Variants in CEACAM8 observed in about 807,000 individuals in gnomAD.
The protein encoded by CEACAM8 is cell adhesion molecule CEACAM8.
CEACAM8 carries 31 observed loss-of-function variants against 33.4 expected under a neutral mutation model. The observed-to-expected ratio is 0.93, with a 90% CI of 0.70 to 1.25. The LOEUF is 1.25. CEACAM8 is among the 50% of genes most tolerant of loss of function. CEACAM8 has a pLI of 0.00. For missense variants in CEACAM8, 388 were observed against 434.6 expected (o/e 0.89, Z 0.95); for synonymous variants, 138 against 164.5 (o/e 0.84, Z 1.23).
At chr19:42,589,084 G>A (rs756849176) in intron 3 of CEACAM8, 46 bp from the exon 4 acceptor site, 6 of 1,577,782 alleles carry the variant, frequency 3.8e-6, no homozygotes, top group East Asian at 2.2e-5. Context: ...CAGAGGGAAG[G>A]GGAAGCTCCT....
At chr19:42,594,731 C>T (rs1307140646) in intron 1 of CEACAM8, 34 bp downstream of exon 1, 7 of 1,565,458 alleles carry the variant, frequency 4.5e-6, no homozygotes, top group South Asian at 2.2e-5. Context: ...TGTGTTTCCT[C>T]CTCCTGTCCT....
At chr19:42,593,499 G>A (rs781664971) in intron 2 of CEACAM8, 42 bp downstream of exon 2, 2 of 1,537,268 alleles carry the variant, frequency 1.3e-6, no homozygotes, top group East Asian at 4.5e-5. Flanking sequence ...GTGGGAAGTA[G>A]AACTGACCCC....
chr19:42,589,905 C>T (rs1386512398), intron 2 of CEACAM8, among the ~76,000 whole-genome samples, 170 bp from the exon 3 acceptor site: 1 of 152,182 alleles, frequency 6.6e-6, no homozygotes, highest in Non-Finnish European at 1.5e-5. Context: ...GGCTCAGAGA[C>T]CATGAGGCCG....
chr19:42,585,330 C>CA (rs2042318943), intron 4 of CEACAM8, among the ~76,000 whole-genome samples: 29 of 104,116 alleles, frequency 2.8e-4, no homozygotes, highest in African/African-American at 1.2e-3. Flanking sequence ...AAAAAAAAAA[C>CA]AAACAAAAAA....
chr19:42,592,281 C>T (rs1015337636), intron 2 of CEACAM8, among the ~76,000 whole-genome samples: 44 of 151,908 alleles, frequency 2.9e-4, no homozygotes, highest in Non-Finnish European at 8.8e-5. Flanking sequence ...TCCTGTGCCT[C>T]CGTTTCTTCT....
Position 42,580,278 on chromosome 19 carries a change from A to G in CEACAM8, c.*1116T>C, listed in dbSNP as rs527302962. ...ATAGGGAGCAATTTTATTATCTAGC[A>G]TTGCATGCCTGGGTTAAATTAAAAC... On this transcript the variant is annotated 3_prime_UTR_variant, in exon 6 of 6. Coordinates refer to ENST00000244336, the MANE Select transcript of CEACAM8 (RefSeq NM_001816.4). 6.6e-6 allele frequency: 1 copy of G among 152,344 alleles called. No homozygotes were observed. The highest frequency in any genetic ancestry group is 2.4e-5 in the African/African-American group (1 of 41,588). 9.4% of individuals were successfully genotyped at this position (152,344 alleles called of 1,614,324 possible). A position where few individuals can be genotyped will look rare whatever the true frequency, so the allele number is the denominator to read the frequency against.
In CEACAM8 at chr19:42,583,236, A is replaced by G. The variant is rs201974253; in HGVS notation, c.*10T>C. 1.3e-6 allele frequency: 2 copies of G among 1,566,278 alleles called. No homozygotes were observed. Among genetic ancestry groups the G allele is most frequent in the Non-Finnish European group, 8.8e-7 (1 of 1,139,888 alleles). On this transcript the variant is annotated 3_prime_UTR_variant, in exon 5 of 6. Transcript: ENST00000244336. The stretch of plus-strand genomic sequence containing the variant: ...AGTCTTCTTGAAATGCAGAAACTAC[A>G]CCAGAGCTACTATATCAGAGCCACC...
chr19:42,591,029 T>G (rs2042429195), intron 2 of CEACAM8, among the ~76,000 whole-genome samples: 2 of 152,242 alleles, frequency 1.3e-5, no homozygotes, highest in Admixed American at 1.3e-4. Flanking sequence ...GCATTTCTTT[T>G]GAGAATCACG....
chr19:42,593,991 ATGTGTGTGTATG>A, intron 1 of CEACAM8, 91 bp from the exon 2 acceptor site: 2 of 1,248,806 alleles, frequency 1.6e-6, no homozygotes. Context: ...GTGTGTTTTT[ATGTGTGTGTATG>A]TGTGTGTGTC....
intron 5 of CEACAM8, among the ~76,000 whole-genome samples, chr19:42,582,744 G>C (rs532829309): frequency 4.9e-4 from 75 of 152,204 alleles, no homozygotes; most frequent in Admixed American, 1.4e-3. Context: ...AGAAGAATTA[G>C]TAAAGAGAAG....
intron 5 of CEACAM8, 147 bp downstream of exon 5, chr19:42,583,059 C>T: frequency 1.7e-6 from 1 of 592,850 alleles, no homozygotes; most frequent in Non-Finnish European, 3.0e-6. Flanking sequence ...GCATGCAGAC[C>T]AGGGAAGAAG....
At chr19:42,591,842 C>T (rs1041672630) in intron 2 of CEACAM8, among the ~76,000 whole-genome samples, 2 of 152,150 alleles carry the variant, frequency 1.3e-5, no homozygotes, top group African/African-American at 4.8e-5. Flanking sequence ...CATGAGAGAA[C>T]GATCGAGTGT....
Position 42,593,846 on chromosome 19 carries a change from G to A in CEACAM8, c.119C>T (p.Ala40Val). 1 of 1,613,400 alleles carries A rather than the reference G, an allele frequency of 6.2e-7. No individual in the cohort carries two copies. The highest frequency in any genetic ancestry group is 8.5e-7 in the Non-Finnish European group (1 of 1,179,552). ...CCCCTCTGCAGCATTGGATGGCACA[G>A]CTTCAATAGTGAGCTGAGCAGTGGT... ...PPTTAQLTIEAVPSNAAEGKE... is the reference protein window; with the variant it reads ...PPTTAQLTIEVVPSNAAEGKE... The change falls in exon 2 of 6, where the codon GCT (alanine) becomes GTT (valine). Residue 40 changes from alanine (A) to valine (V), a missense_variant. By Grantham distance (64) the Ala-to-Val change is moderately conservative (BLOSUM62 0). Transcript: ENST00000244336.
intron 4 of CEACAM8, among the ~76,000 whole-genome samples, chr19:42,586,140 C>T (rs1027440399): frequency 2.0e-5 from 3 of 152,132 alleles, no homozygotes; most frequent in Non-Finnish European, 4.4e-5. Flanking sequence ...TTGGAAGACA[C>T]GGTATTGTTA....
rs1261422144 is a variant in CEACAM8, at chr19:42,588,944, G to T, written c.798C>A (p.Pro266=). The T allele has an allele frequency of 6.2e-7, 1 of 1,614,074 alleles. No homozygotes were observed. Among genetic ancestry groups the T allele is most frequent in the Non-Finnish European group, 8.5e-7 (1 of 1,180,030 alleles). The change falls in exon 4 of 6, where the codon CCC becomes CCA. Residue 266 remains proline (P), a synonymous_variant. Transcript: ENST00000244336. ...CATTGACAGACCAAGAATACTGTGAGGGTGGATTAGAGGCCGCATGGCAGG... is the reference window on the plus strand; with the variant it reads ...CATTGACAGACCAAGAATACTGTGATGGTGGATTAGAGGCCGCATGGCAGG... ...NLSCHAASNP[P]SQYSWSVNGT...
intron 2 of CEACAM8, 71 bp downstream of exon 2, chr19:42,593,470 A>G: frequency 6.6e-7 from 1 of 1,522,242 alleles, no homozygotes; most frequent in Non-Finnish European, 8.8e-7. Context: ...GGCACAGCCC[A>G]GGCCTAACAA....
At chr19:42,592,770 C>G (rs2042468798) in intron 2 of CEACAM8, among the ~76,000 whole-genome samples, 1 of 152,134 alleles carries the variant, frequency 6.6e-6, no homozygotes, top group African/African-American at 2.4e-5. Context: ...TTATTATTTG[C>G]CTCCATGAGA....
chr19:42,588,529 G>A (rs1600294433), intron 4 of CEACAM8, among the ~76,000 whole-genome samples: 1 of 152,178 alleles, frequency 6.6e-6, no homozygotes, highest in East Asian at 1.9e-4. Context: ...TCCTTTCCAT[G>A]ACATAGGGCT....
Position 42,588,934 on chromosome 19 carries a change from AATAC to A in CEACAM8, c.804_807del (p.Gln268HisfsTer47). The stretch of plus-strand genomic sequence containing the variant: ...TGGAATGTGCCATTGACAGACCAAG[AATAC>A]TGTGAGGGTGGATTAGAGGCCGCAT... On this transcript the variant is annotated frameshift_variant, in exon 4 of 6. Transcript: ENST00000244336. LOFTEE classifies it high-confidence loss of function. The A allele has an allele frequency of 6.2e-7, 1 of 1,614,138 alleles. No homozygotes were observed. The highest frequency in any genetic ancestry group is 8.5e-7 in the Non-Finnish European group (1 of 1,180,020).
Sources: gnomAD v4.1 joint callset for allele counts (sites outside exome capture counted in the v4.1 genomes callset) on GRCh38, gnomAD v4.1.1 for gene constraint, MANE v1.5 for transcripts, NCBI Gene and HGNC (gene_info 2026-07-23, HGNC 2026-07-21) for gene names.